TENM2: variants seen among roughly 807,000 people sequenced by gnomAD.
TENM2 encodes teneurin transmembrane protein 2, also known as teneurin-2.
Under a neutral mutation model 245.2 loss-of-function variants are expected in TENM2, and 52 were observed. That is an observed-to-expected ratio of 0.21 (90% CI 0.17 to 0.27). The LOEUF (loss-of-function observed/expected upper bound fraction) is 0.27, where lower values mean the gene tolerates loss of function less well. Ranked by LOEUF, TENM2 falls within the 10% of genes least tolerant of loss-of-function variation. The probability of loss-of-function intolerance (pLI) is 1.00; values close to 1 mark genes in which losing one functional copy is unlikely to be tolerated. For synonymous variants in TENM2, 1,363 were observed against 1,438.9 expected (o/e 0.95, Z 1.19); for missense variants, 3,046 against 3,666.8 (o/e 0.83, Z 4.37).
chr5:167,388,555 G>GT (rs544098897), intron 2 of TENM2, among the ~76,000 whole-genome samples: 17 of 150,026 alleles, frequency 1.1e-4, no homozygotes, highest in Admixed American at 2.0e-4. Flanking sequence ...TTTGGGTTTG[G>GT]TTTTTTTTTG....
intron 2 of TENM2, among the ~76,000 whole-genome samples, chr5:167,868,070 A>G (rs1384127386): frequency 1.3e-5 from 2 of 152,248 alleles, no homozygotes; most frequent in East Asian, 3.8e-4. Flanking sequence ...AAGTATACTT[A>G]TCTAAAGCCA....
intron 2 of TENM2, among the ~76,000 whole-genome samples, chr5:167,570,724 T>C (rs1774214120): frequency 6.6e-6 from 1 of 152,262 alleles, no homozygotes; most frequent in Admixed American, 6.5e-5. Flanking sequence ...AAGAGCTGCA[T>C]TGAAGAATTA....
At chr5:167,132,222 C>G in the TENM2 span, among the ~76,000 whole-genome samples, 1 of 152,158 alleles carries the variant, frequency 6.6e-6, no homozygotes, top group Admixed American at 6.5e-5. Context: ...TCATACACGT[C>G]TATAAAATTT....
chr5:167,374,330 G>A (rs529033785), intron 1 of TENM2, among the ~76,000 whole-genome samples: 11 of 152,276 alleles, frequency 7.2e-5, no homozygotes, highest in Admixed American at 6.5e-4. Flanking sequence ...CTAAGCCTAG[G>A]TGTGTAATAG....
chr5:167,201,426 A>C, the TENM2 span, among the ~76,000 whole-genome samples: 1 of 152,214 alleles, frequency 6.6e-6, no homozygotes, highest in Non-Finnish European at 1.5e-5. Context: ...GAAAATAGAG[A>C]AGTTCCAGTG....
chr5:167,191,991 T>C, the TENM2 span, among the ~76,000 whole-genome samples: 1 of 152,104 alleles, frequency 6.6e-6, no homozygotes, highest in South Asian at 2.1e-4. Flanking sequence ...CTTCACAGTA[T>C]TGAAAGGAAT....
At chr5:167,093,518 C>T in the TENM2 span, among the ~76,000 whole-genome samples, 1 of 152,182 alleles carries the variant, frequency 6.6e-6, no homozygotes, top group African/African-American at 2.4e-5. Context: ...AAAGTCATAG[C>T]CTAAGCCCTG....
intron 2 of TENM2, among the ~76,000 whole-genome samples, chr5:167,789,602 T>C (rs1270653629): frequency 6.6e-6 from 1 of 152,218 alleles, no homozygotes; most frequent in African/African-American, 2.4e-5. Flanking sequence ...CATAAAGTCA[T>C]TTGGGTTGGT....
At chr5:168,127,124 G>A (rs975887298) in intron 12 of TENM2, among the ~76,000 whole-genome samples, 158 bp downstream of exon 14, 1 of 152,156 alleles carries the variant, frequency 6.6e-6, no homozygotes, top group African/African-American at 2.4e-5. Flanking sequence ...GTCCCTAATT[G>A]GGAAGGGCTT....
intron 12 of TENM2, among the ~76,000 whole-genome samples, chr5:168,157,250 G>A (rs536610793): frequency 6.6e-6 from 1 of 152,242 alleles, no homozygotes; most frequent in African/African-American, 2.4e-5. Context: ...AAGGCCGAGT[G>A]GCTTAAGTCT....
At position 168,063,754 on chromosome 5, in the gene TENM2, G is replaced by C. The variant is rs1014464022; in HGVS notation, c.1515+1489G>C. 5.3e-5 allele frequency among the ~76,000 whole-genome samples: 8 copies of C among 152,196 alleles called. No homozygotes were observed. The South Asian group carries it at 1.7e-3, about 32-fold the overall frequency. On this transcript the variant is annotated intron_variant, in intron 7 of 28. Transcript: ENST00000518659. ...CACATACCTCCCATATAACTCTTAAGGCAGCCACTATCAATCGACCATTGT... is the reference window on the plus strand; with the variant it reads ...CACATACCTCCCATATAACTCTTAACGCAGCCACTATCAATCGACCATTGT...
chr5:167,403,854 C>T (rs528469282), intron 2 of TENM2, among the ~76,000 whole-genome samples: 1 of 149,876 alleles, frequency 6.7e-6, no homozygotes, highest in East Asian at 2.0e-4. Context: ...ATAACACTAA[C>T]CTCCTTCCTT....
At chr5:167,225,106 G>T in the TENM2 span, among the ~76,000 whole-genome samples, 2 of 151,974 alleles carry the variant, frequency 1.3e-5, no homozygotes, top group Non-Finnish European at 2.9e-5. Flanking sequence ...ATTTGGTAGA[G>T]TGTTTTGATT....
chr5:167,324,498 T>C (rs1297405838), intron 1 of TENM2, among the ~76,000 whole-genome samples: 1 of 152,150 alleles, frequency 6.6e-6, no homozygotes, highest in Non-Finnish European at 1.5e-5. Flanking sequence ...GATTCTATGA[T>C]GAAAGCTCTG....
the TENM2 span, among the ~76,000 whole-genome samples, chr5:167,242,039 G>GT: frequency 1.5e-4 from 21 of 140,184 alleles, no homozygotes; most frequent in Non-Finnish European, 2.8e-4. Context: ...TTCTTTTTTT[G>GT]TTTTTTGTTT....
At chr5:167,068,575 A>G in the TENM2 span, among the ~76,000 whole-genome samples, 1 of 152,208 alleles carries the variant, frequency 6.6e-6, no homozygotes, top group East Asian at 1.9e-4. Flanking sequence ...CAGATCTGGT[A>G]TGTAATTTAC....
At chr5:167,544,430 T>A (rs1356677410) in intron 2 of TENM2, among the ~76,000 whole-genome samples, 1 of 152,150 alleles carries the variant, frequency 6.6e-6, no homozygotes, top group Admixed American at 6.5e-5. Flanking sequence ...TAAAATATCA[T>A]GTTATAGCTT....
intron 2 of TENM2, among the ~76,000 whole-genome samples, chr5:167,522,403 G>A (rs1281663434): frequency 6.6e-6 from 1 of 152,090 alleles, no homozygotes; most frequent in African/African-American, 2.4e-5. Context: ...TGGATGAGAT[G>A]TGAAATGAGT....
chr5:167,445,275 A>T (rs1765092689), intron 2 of TENM2, among the ~76,000 whole-genome samples: 1 of 149,058 alleles, frequency 6.7e-6, no homozygotes, highest in South Asian at 2.1e-4. Flanking sequence ...TTCCGAAGAT[A>T]CTTACTATAT....
Sources: allele counts gnomAD v4.1 joint callset (sites outside exome capture counted in the v4.1 genomes callset), GRCh38; gene constraint gnomAD v4.1.1; transcripts MANE v1.5; gene names NCBI Gene and HGNC (gene_info 2026-07-23, HGNC 2026-07-21).